KCND2: variants seen among roughly 807,000 people sequenced by gnomAD.
The protein encoded by KCND2 is A-type voltage-gated potassium channel KCND2.
A neutral mutation model predicts 54.4 loss-of-function variants in KCND2; 16 were observed. The ratio of observed to expected loss-of-function variants is 0.29; its 90% confidence interval spans 0.20 to 0.45. KCND2 has a LOEUF of 0.45. KCND2 is among the 20% of genes least tolerant of loss of function. The pLI is 1.00. For synonymous variants in KCND2, 317 were observed against 310.7 expected, an observed-to-expected ratio of 1.02 and a Z score of -0.21; for missense variants, 486 against 824.2, an observed-to-expected ratio of 0.59 and a Z score of 5.02.
chr7:120,726,296 C>A (rs544360964), intron 1 of KCND2, among the ~76,000 whole-genome samples: 122 of 152,170 alleles, frequency 8.0e-4, no homozygotes, highest in African/African-American at 2.8e-3. Flanking sequence ...CAAACAAGTT[C>A]AATACCACAA....
intron 1 of KCND2, among the ~76,000 whole-genome samples, chr7:120,636,828 C>G (rs1334124385): frequency 6.6e-6 from 1 of 152,136 alleles, no homozygotes. Flanking sequence ...GTTTTCTCCT[C>G]TACAATCTAC....
At chr7:120,699,514 G>A (rs1228303189) in intron 1 of KCND2, among the ~76,000 whole-genome samples, 1 of 152,148 alleles carries the variant, frequency 6.6e-6, no homozygotes, top group Non-Finnish European at 1.5e-5. Context: ...ACAACACAAG[G>A]TGAAAATATT....
At chr7:120,676,553 A>G (rs1792063928) in intron 1 of KCND2, among the ~76,000 whole-genome samples, 2 of 152,208 alleles carry the variant, frequency 1.3e-5, no homozygotes, top group South Asian at 4.1e-4. Context: ...ATATTTATTC[A>G]TTTTAGAATG....
intron 1 of KCND2, among the ~76,000 whole-genome samples, chr7:120,719,008 A>T (rs569276085): frequency 4.0e-4 from 61 of 152,278 alleles, no homozygotes; most frequent in African/African-American, 1.4e-3. Context: ...AAATTGAACC[A>T]AGTGTTCAAT....
At chr7:120,416,886 C>T (rs1282759672) in intron 1 of KCND2, among the ~76,000 whole-genome samples, 2 of 152,164 alleles carry the variant, frequency 1.3e-5, no homozygotes, top group African/African-American at 2.4e-5. Context: ...CGCTCTGTTG[C>T]CCAGGTTGGA....
At chr7:120,463,356 TA>T (rs989325356) in intron 1 of KCND2, among the ~76,000 whole-genome samples, 2 of 143,412 alleles carry the variant, frequency 1.4e-5, no homozygotes, top group African/African-American at 5.1e-5. Context: ...TTCACATGTA[TA>T]ATCTCTAAAG....
At chr7:120,396,158 A>G (rs1284726897) in intron 1 of KCND2, among the ~76,000 whole-genome samples, 1 of 152,002 alleles carries the variant, frequency 6.6e-6, no homozygotes, top group Non-Finnish European at 1.5e-5. Context: ...GTTTAATTTG[A>G]TTCATGGAGA....
intron 1 of KCND2, among the ~76,000 whole-genome samples, chr7:120,541,524 A>C (rs572136369): frequency 6.6e-6 from 1 of 152,274 alleles, no homozygotes; most frequent in South Asian, 2.1e-4. Flanking sequence ...CAGAGAGTTT[A>C]CAAGTTCAAA....
rs1387160042 is a variant in KCND2, at chr7:120,733,183, A to G, written c.1278+118A>G. ...TTGGTCAGTAGTTGCATCAATCAGG[A>G]CCGAGTAGGTTATTCTACACTAAAA... On this transcript the variant is annotated intron_variant, in intron 2 of 5. Coordinates refer to ENST00000331113, the MANE Select transcript of KCND2 (RefSeq NM_012281.3). 1.1e-5 allele frequency: 10 copies of G among 945,750 alleles called. No homozygotes were observed. In the East Asian group the frequency reaches 2.6e-4, roughly 24 times the overall value. The allele number at this position is 945,750 out of a possible 1,614,324, so 58.6% of individuals were successfully genotyped here.
rs531529439 is a variant in KCND2 at position 120,654,324 on chromosome 7, A to T, written c.1116-78579A>T. On this transcript the variant is annotated intron_variant, in intron 1 of 5. Coordinates refer to ENST00000331113, the MANE Select transcript of KCND2 (RefSeq NM_012281.3). ...ACTGGAGAGACATAAAATTTTCAAC[A>T]TAAAACAGTTTGTGAATATGAGGAG... Among the ~76,000 whole-genome samples, 26 of 152,358 alleles carry T rather than the reference A, an allele frequency of 1.7e-4. 1 individual carries two copies. The highest frequency in any genetic ancestry group is 6.8e-3 in the Middle Eastern group (2 of 294).
At chr7:120,494,934 G>T (rs1233836860) in intron 1 of KCND2, among the ~76,000 whole-genome samples, 3 of 152,152 alleles carry the variant, frequency 2.0e-5, no homozygotes, top group African/African-American at 7.2e-5. Context: ...CCAGTGTGTT[G>T]TCAATTTTAC....
chr7:120,525,378 G>A (rs1347748896), intron 1 of KCND2, among the ~76,000 whole-genome samples: 1 of 152,108 alleles, frequency 6.6e-6, no homozygotes, highest in Admixed American at 6.6e-5. Flanking sequence ...GTTATAAATA[G>A]TTCTGAATTC....
chr7:120,454,690 A>G (rs142885233), intron 1 of KCND2, among the ~76,000 whole-genome samples: 129 of 152,208 alleles, frequency 8.5e-4, no homozygotes, highest in African/African-American at 3.0e-3. Flanking sequence ...ACTCCTCCCT[A>G]ACTCATTCTA....
At position 120,746,035 on chromosome 7, in the gene KCND2, A is replaced by G. The variant is rs1793001971; in HGVS notation, c.1715+8A>G. On this transcript the variant is annotated splice_region_variant and intron_variant, in intron 5 of 5. Transcript: ENST00000331113. ...AACACCTCTGTCTAACAGGTACCTG[A>G]GATTAATCTGTGTTGTCTACACACC... 1 of 1,612,258 alleles carries G rather than the reference A, an allele frequency of 6.2e-7. No individual in the cohort carries two copies. The highest frequency in any genetic ancestry group is 8.5e-7 in the Non-Finnish European group (1 of 1,179,592).
chr7:120,627,051 A>G (rs1423915059), intron 1 of KCND2, among the ~76,000 whole-genome samples: 1 of 152,202 alleles, frequency 6.6e-6, no homozygotes, highest in Admixed American at 6.5e-5. Flanking sequence ...TATGGTGTCC[A>G]TCATACACCA....
intron 1 of KCND2, among the ~76,000 whole-genome samples, chr7:120,615,484 TA>T (rs1311786246): frequency 6.6e-6 from 1 of 152,170 alleles, no homozygotes; most frequent in Non-Finnish European, 1.5e-5. Flanking sequence ...AAAGGATAAA[TA>T]AATGGCAAGA....
intron 1 of KCND2, among the ~76,000 whole-genome samples, chr7:120,288,844 T>A (rs1799387649): frequency 6.6e-6 from 1 of 152,114 alleles, no homozygotes; most frequent in African/African-American, 2.4e-5. Flanking sequence ...CAAATGTTAC[T>A]TAGTTAAAAT....
Position 120,431,946 on chromosome 7 carries a change from A to G in KCND2, c.1115+156199A>G, listed in dbSNP as rs543752607. ...GTAGTAGTAGTAGGATTATCGCTTCATGCAACAGCATAAATCACTCGATGA... is the reference window on the plus strand; with the variant it reads ...GTAGTAGTAGTAGGATTATCGCTTCGTGCAACAGCATAAATCACTCGATGA... On this transcript the variant is annotated intron_variant, in intron 1 of 5. Coordinates refer to ENST00000331113, the MANE Select transcript of KCND2 (RefSeq NM_012281.3). Among the ~76,000 whole-genome samples, 5 of 152,254 alleles carry G rather than the reference A, an allele frequency of 3.3e-5. No homozygotes were observed. The East Asian group carries it at 9.7e-4, about 29-fold the overall frequency.
At chr7:120,324,838 A>G (rs1017543462) in intron 1 of KCND2, among the ~76,000 whole-genome samples, 3 of 149,970 alleles carry the variant, frequency 2.0e-5, no homozygotes, top group Non-Finnish European at 4.4e-5. Flanking sequence ...TCTGTGAAGA[A>G]AGGCATTGGT....
Sources: allele counts gnomAD v4.1 joint callset (sites outside exome capture counted in the v4.1 genomes callset), GRCh38; gene constraint gnomAD v4.1.1; transcripts MANE v1.5; gene names NCBI Gene and HGNC (gene_info 2026-07-23, HGNC 2026-07-21).